The following FYCO1 variants were observed in gnomAD, a reference collection of about 807,000 sequenced individuals.
The protein encoded by FYCO1 is FYVE and coiled-coil domain autophagy adaptor 1.
In FYCO1, 122 loss-of-function variants were observed where a neutral mutation model predicts 165.1. That is an observed-to-expected ratio of 0.74 (90% CI 0.64 to 0.86). The LOEUF (loss-of-function observed/expected upper bound fraction) is 0.86, where lower values mean the gene tolerates loss of function less well. Ranked by LOEUF, FYCO1 falls within the 40% of genes least tolerant of loss-of-function variation. FYCO1 has a pLI of 0.00. For missense variants in FYCO1, 1,702 were observed against 1,810.3 expected (o/e 0.94, Z 1.09); for synonymous variants, 648 against 742.5 (o/e 0.87, Z 2.07).
rs1559456752 is a variant in FYCO1 at position 45,962,250 on chromosome 3, CGAG to C, written c.3409_3411del (p.Leu1137del). Reference sequence around the variant, plus strand: ...CTGAGCAGCTCTATCAGCCGCTCCTCGAGATACTTCTTGGTTCTGTTGAGGTCA... The same window carrying C: ...CTGAGCAGCTCTATCAGCCGCTCCTCATACTTCTTGGTTCTGTTGAGGTCA... On this transcript the variant is annotated inframe_deletion, in exon 11 of 18. Transcript: ENST00000296137. The surrounding 1 kb of genome is among the most constrained non-coding windows in gnomAD (Gnocchi z 4.4). 2 of 1,614,102 alleles carry C rather than the reference CGAG, an allele frequency of 1.2e-6. No individual in the cohort carries two copies. Among genetic ancestry groups the C allele is most frequent in the African/African-American group, 2.7e-5 (2 of 74,924 alleles).
rs762256711 is a variant in FYCO1, at chr3:45,966,810, C to A, written c.2524G>T (p.Val842Phe). 2 of 1,610,410 alleles carry A rather than the reference C, an allele frequency of 1.2e-6. No individual in the cohort carries two copies. The highest frequency in any genetic ancestry group is 1.7e-6 in the Non-Finnish European group (2 of 1,180,018). The change falls in exon 8 of 18, where the codon GTC becomes TTC. Residue 842 changes from valine (V) to phenylalanine (F), a missense_variant. Coordinates refer to ENST00000296137, the MANE Select transcript of FYCO1 (RefSeq NM_024513.4). ...EQNEALNRAH[V>F]QELLQCSERE... ...TCCGAGCATTGCAGCAGCTCCTGGA[C>A]ATGGGCTCTGTTAAGGGCTTCATTC...
At chr3:45,972,011 A>T (rs988499810) in intron 6 of FYCO1, among the ~76,000 whole-genome samples, 12 of 152,248 alleles carry the variant, frequency 7.9e-5, no homozygotes, top group African/African-American at 2.9e-4. Context: ...AGGCTTAGGA[A>T]ATAAATCAAC....
intron 2 of FYCO1, among the ~76,000 whole-genome samples, chr3:45,982,376 G>A (rs1366495180): frequency 6.6e-6 from 1 of 152,172 alleles, no homozygotes; most frequent in Non-Finnish European, 1.5e-5. Flanking sequence ...TTGCAGATGA[G>A]GAGTGTACAG....
Position 45,966,797 on chromosome 3 carries a change from A to G in FYCO1, c.2537T>C (p.Leu846Pro). 1 of 1,609,996 alleles carries G rather than the reference A, an allele frequency of 6.2e-7. No homozygotes were observed. The highest frequency in any genetic ancestry group is 2.2e-5 in the East Asian group (1 of 44,868). Residue 846 changes from leucine to proline, a missense_variant, in exon 8 of 18, where the codon CTG (leucine) becomes CCG (proline). Leu to Pro is a moderately conservative substitution (Grantham distance 98). Coordinates refer to ENST00000296137, the MANE Select transcript of FYCO1 (RefSeq NM_024513.4). Reference sequence around the variant, plus strand: ...TGCCCCTTCACGCTCCGAGCATTGCAGCAGCTCCTGGACATGGGCTCTGTT... The same window carrying G: ...TGCCCCTTCACGCTCCGAGCATTGCGGCAGCTCCTGGACATGGGCTCTGTT... ...ALNRAHVQEL[L>P]QCSEREGALQ... is the part of the protein sequence containing the mutation.
At chr3:45,957,119 T>TA (rs796792047) in intron 13 of FYCO1, among the ~76,000 whole-genome samples, 59 of 151,464 alleles carry the variant, frequency 3.9e-4, no homozygotes, top group African/African-American at 1.3e-3. Context: ...CATGGCAGCA[T>TA]AAAAAAAAAT....
intron 1 of FYCO1, among the ~76,000 whole-genome samples, chr3:45,985,639 AGAT>A (rs1290212955): frequency 6.6e-6 from 1 of 152,254 alleles, no homozygotes; most frequent in Non-Finnish European, 1.5e-5. Flanking sequence ...CTGGGTGTGC[AGAT>A]GCTGCCTGGC....
intron 11 of FYCO1, among the ~76,000 whole-genome samples, chr3:45,961,423 T>C (rs1705691216): frequency 6.6e-6 from 1 of 151,734 alleles, no homozygotes; most frequent in African/African-American, 2.4e-5. Flanking sequence ...ACTAAAAATA[T>C]AAAAATTAGC....
chr3:45,978,696 C>T (rs182439912), intron 4 of FYCO1, among the ~76,000 whole-genome samples: 1 of 152,280 alleles, frequency 6.6e-6, no homozygotes, highest in East Asian at 1.9e-4. Context: ...TGTCTCAAAT[C>T]AAGGGGTTTA....
At chr3:45,986,101 G>A (rs956269655) in intron 1 of FYCO1, among the ~76,000 whole-genome samples, 1 of 152,208 alleles carries the variant, frequency 6.6e-6, no homozygotes, top group African/African-American at 2.4e-5. Context: ...AGAAAATGAT[G>A]CTCAGAGGAG....
At chr3:45,929,175 G>GT (rs1703470800) in intron 16 of FYCO1, among the ~76,000 whole-genome samples, 1 of 152,258 alleles carries the variant, frequency 6.6e-6, no homozygotes. Flanking sequence ...TCTGTGGTTG[G>GT]TGACAGTGGC....
intron 15 of FYCO1, among the ~76,000 whole-genome samples, chr3:45,932,701 C>T (rs528303271): frequency 1.3e-5 from 2 of 152,278 alleles, no homozygotes; most frequent in South Asian, 2.1e-4. Flanking sequence ...CTAATGAGAA[C>T]GGTAAGAAAT....
At chr3:45,949,544 C>T (rs772978222) in intron 14 of FYCO1, among the ~76,000 whole-genome samples, 2 of 152,190 alleles carry the variant, frequency 1.3e-5, no homozygotes, top group Non-Finnish European at 2.9e-5. Context: ...GACAGCTCCA[C>T]CACCATGTAC....
In FYCO1 at chr3:45,964,549, G is replaced by A; in HGVS notation, c.3151-95C>T. The A allele has an allele frequency of 6.3e-7, 1 of 1,578,452 alleles. No individual in the cohort carries two copies. Among genetic ancestry groups the A allele is most frequent in the Non-Finnish European group, 8.6e-7 (1 of 1,163,810 alleles). On this transcript the variant is annotated intron_variant, in intron 9 of 17. Transcript: ENST00000296137. The surrounding 1 kb of genome is among the most constrained non-coding windows in gnomAD (Gnocchi z 4.1). ...GTGTGCCATCCACCCCATCTGGCTG[G>A]GTCACTTCTAAATGGAGGGTTGTTT...
At position 45,967,994 on chromosome 3, in the gene FYCO1, C is replaced by T. The variant is rs760218585; in HGVS notation, c.1340G>A (p.Arg447His). The change falls in exon 8 of 18, where the codon CGC becomes CAC. Residue 447 changes from arginine to histidine, a missense_variant. Coordinates refer to ENST00000296137, the MANE Select transcript of FYCO1 (RefSeq NM_024513.4). ...GAGTGGGGCCATCTCCTTCACCAGG[C>T]GCTCCAGGCTGGCCCGGGCATCCTC... ...LKEDARASLE[R>H]LVKEMAPLQE... is the part of the protein sequence containing the mutation. The T allele has an allele frequency of 3.2e-5, 51 of 1,614,030 alleles. No individual in the cohort carries two copies. The highest frequency in any genetic ancestry group is 2.6e-4 in the South Asian group (24 of 91,084).
At chr3:45,963,377 T>C (rs1705811357) in intron 10 of FYCO1, among the ~76,000 whole-genome samples, 2 of 152,204 alleles carry the variant, frequency 1.3e-5, no homozygotes, top group Admixed American at 6.5e-5. Context: ...TCTGTTTAAA[T>C]TGTCATATGA....
At chr3:45,923,441 C>T (rs1703180694) in intron 17 of FYCO1, among the ~76,000 whole-genome samples, 1 of 152,224 alleles carries the variant, frequency 6.6e-6, no homozygotes, top group Non-Finnish European at 1.5e-5. Flanking sequence ...TCCTCTACCC[C>T]TCAGCAGTGA....
Position 45,968,522 on chromosome 3 carries a change from C to T in FYCO1, c.812G>A (p.Gly271Glu), listed in dbSNP as rs539774573. The T allele has an allele frequency of 1.2e-5, 19 of 1,614,068 alleles. No individual in the cohort carries two copies. The Admixed American group carries it at 2.7e-4, about 23-fold the overall frequency. ...CTCCCTCTCTGTCTGCAGTTGCTCC[C>T]CTTGCTGGCTGACAGCTGCCCTCAG... ...QELRAAVSQQ[G>E]EQLQTERERG... The change falls in exon 8 of 18, where the codon GGG becomes GAG. Residue 271 changes from glycine to glutamate, a missense_variant. Physicochemically the swap from Gly to Glu is moderately conservative, Grantham distance 98. Transcript: ENST00000296137.
intron 15 of FYCO1, 52 bp from the exon 16 acceptor site, chr3:45,931,333 T>C: frequency 6.4e-7 from 1 of 1,554,170 alleles, no homozygotes; most frequent in East Asian, 2.3e-5. Context: ...AGTGTTTGTG[T>C]CCACTGGCCA....
chr3:45,964,341 T>C lies in FYCO1; in HGVS notation c.3264A>G (p.Leu1088=), dbSNP rs751884672. The change falls in exon 10 of 18, where the codon CTA becomes CTG. Residue 1088 remains leucine (L), a synonymous_variant. Coordinates refer to ENST00000296137, the MANE Select transcript of FYCO1 (RefSeq NM_024513.4). The surrounding 1 kb of genome is among the most constrained non-coding windows in gnomAD (Gnocchi z 4.1). The part of the protein sequence containing the change: ...DKEGAALRED[L]ERTQKELEKA... ...GTAGGTGGACTGTGACTAACCTTTC[T>C]AGGTCTTCACGCAGGGCAGCCCCCT... 3 of 1,612,758 alleles carry C rather than the reference T, an allele frequency of 1.9e-6. No individual in the cohort carries two copies. Among genetic ancestry groups the C allele is most frequent in the Non-Finnish European group, 2.5e-6 (3 of 1,178,714 alleles).
Sources: allele counts gnomAD v4.1 joint callset (sites outside exome capture counted in the v4.1 genomes callset), GRCh38; gene constraint gnomAD v4.1.1; non-coding constraint Gnocchi (gnomAD v3.1); transcripts MANE v1.5; gene names NCBI Gene and HGNC (gene_info 2026-07-23, HGNC 2026-07-21).